Variants in TMEM50B observed in about 807,000 individuals in gnomAD.
TMEM50B encodes transmembrane protein 50B.
In TMEM50B, 14 loss-of-function variants were observed where a neutral mutation model predicts 23.4. The ratio of observed to expected loss-of-function variants is 0.60; its 90% CI spans 0.39 to 0.93. The LOEUF (loss-of-function observed/expected upper bound fraction) is 0.93, where lower values mean the gene tolerates loss of function less well. Ranked by LOEUF, TMEM50B falls within the 40% of genes least tolerant of loss-of-function variation. TMEM50B has a pLI of 0.00. For synonymous variants in TMEM50B, 64 were observed against 62.3 expected, an observed-to-expected ratio of 1.03 and a Z score of -0.13; for missense variants, 159 against 193.0, an observed-to-expected ratio of 0.82 and a Z score of 1.04.
chr21:33,467,319 A>G (rs1391369921), intron 2 of TMEM50B, among the ~76,000 whole-genome samples, 197 bp from the exon 3 acceptor site: 1 of 151,928 alleles, frequency 6.6e-6, no homozygotes, highest in East Asian at 1.9e-4. Context: ...TCATGGTAAA[A>G]CCTCATCTCT....
chr21:33,450,657 A>T lies in TMEM50B; in HGVS notation c.*161T>A, dbSNP rs1321139798. 2 of 578,768 alleles carry T rather than the reference A, an allele frequency of 3.5e-6. No individual in the cohort carries two copies. The highest frequency in any genetic ancestry group is 6.1e-6 in the Non-Finnish European group (2 of 325,432). 35.9% of individuals were successfully genotyped at this position (578,768 alleles called of 1,614,324 possible). On this transcript the variant is annotated 3_prime_UTR_variant, in exon 7 of 7. Coordinates refer to ENST00000542230, the MANE Select transcript of TMEM50B (RefSeq NM_006134.7). ...TTAACAGTCTATGCAATGAAAAATAAAGAAATTTCATAAAACTATTTCAAA... is the reference window on the plus strand; with the variant it reads ...TTAACAGTCTATGCAATGAAAAATATAGAAATTTCATAAAACTATTTCAAA...
chr21:33,474,477 T>C (rs1025057547), intron 1 of TMEM50B, among the ~76,000 whole-genome samples: 1 of 151,038 alleles, frequency 6.6e-6, no homozygotes, highest in African/African-American at 2.4e-5. Context: ...CCGATGAAAC[T>C]GAGACCTACA....
At position 33,450,092 on chromosome 21, in the gene TMEM50B, G is replaced by A. The variant is rs1476202142; in HGVS notation, c.*726C>T. On this transcript the variant is annotated 3_prime_UTR_variant, in exon 7 of 7. Coordinates refer to ENST00000542230, the MANE Select transcript of TMEM50B (RefSeq NM_006134.7). ...CTTTACCAAAAAAACCTCATTTTTA[G>A]GCCAAAATAAGTTACAACTTGCTGA... The A allele has an allele frequency of 1.3e-5, 2 of 152,034 alleles. No individual in the cohort carries two copies. Among genetic ancestry groups the A allele is most frequent in the African/African-American group, 4.8e-5 (2 of 41,388 alleles). 9.4% of individuals were successfully genotyped at this position (152,034 alleles called of 1,614,324 possible).
At chr21:33,479,588 G>A (rs2084408166) in intron 1 of TMEM50B, among the ~76,000 whole-genome samples, 1 of 152,208 alleles carries the variant, frequency 6.6e-6, no homozygotes, top group Non-Finnish European at 1.5e-5. Flanking sequence ...GGCTGCTTGC[G>A]GGTCGCGGCG....
At chr21:33,465,480 CT>C in intron 3 of TMEM50B, 71 bp from the exon 4 acceptor site, 1 of 1,129,018 alleles carries the variant, frequency 8.9e-7, no homozygotes, top group African/African-American at 1.6e-5. Context: ...TTATATAACA[CT>C]TAGACGGAAA....
chr21:33,477,450 C>G (rs1378416556), intron 1 of TMEM50B, among the ~76,000 whole-genome samples: 1 of 152,184 alleles, frequency 6.6e-6, no homozygotes, highest in African/African-American at 2.4e-5. Flanking sequence ...GGAATTCTAA[C>G]TTGACATACC....
intron 5 of TMEM50B, among the ~76,000 whole-genome samples, chr21:33,459,579 A>T (rs2084199549): frequency 1.3e-5 from 2 of 151,850 alleles, no homozygotes; most frequent in Admixed American, 1.3e-4. Flanking sequence ...GAGACAGGCA[A>T]ATTACTTGAA....
intron 8 of TMEM50B, among the ~76,000 whole-genome samples, chr21:33,434,905 A>G (rs1372728710): frequency 1.3e-5 from 2 of 152,166 alleles, no homozygotes; most frequent in Admixed American, 6.6e-5. Context: ...TTCCTCTGAG[A>G]CATGAACAGA....
Position 33,460,426 on chromosome 21 carries a change from T to C in TMEM50B, c.360A>G (p.Ala120=), listed in dbSNP as rs149634958. 2.2e-4 allele frequency: 351 copies of C among 1,603,384 alleles called. 5 individuals carry two copies. The highest frequency in any genetic ancestry group is 6.8e-5 in the Admixed American group (4 of 58,914). ...ATATATACTTACTTTGGGTAACATA[T>C]GCACCAAAAAGAATCCACATGGAAG... ...LIASMWILFG[A]YVTQNTDVYP... Residue 120 remains alanine (A), a synonymous_variant, in exon 5 of 7, where the codon GCA becomes GCG. Coordinates refer to ENST00000542230, the MANE Select transcript of TMEM50B (RefSeq NM_006134.7).
At chr21:33,465,157 GTAACTTCTA>G in intron 4 of TMEM50B, 176 bp downstream of exon 4, 1 of 489,980 alleles carries the variant, frequency 2.0e-6, no homozygotes, top group East Asian at 3.2e-5. Context: ...GACAAAAACA[GTAACTTCTA>G]GCAATAACTT....
At chr21:33,433,820 A>G (rs2123373913) in intron 8 of TMEM50B, among the ~76,000 whole-genome samples, 1 of 151,678 alleles carries the variant, frequency 6.6e-6, no homozygotes, top group South Asian at 2.1e-4. Flanking sequence ...GGGGTTGGCT[A>G]AAAAGGTGGC....
intron 8 of TMEM50B, among the ~76,000 whole-genome samples, chr21:33,433,221 A>G (rs866152068): frequency 1.2e-4 from 19 of 152,146 alleles, no homozygotes; most frequent in Middle Eastern, 6.8e-3. Context: ...TCAGGGCCCC[A>G]CTGCCCCTGG....
chr21:33,467,538 C>T (rs1204155228), intron 2 of TMEM50B, among the ~76,000 whole-genome samples: 1 of 151,920 alleles, frequency 6.6e-6, no homozygotes, highest in African/African-American at 2.4e-5. Context: ...GCAGGAGAAT[C>T]GCTTAAACCC....
chr21:33,466,862 A>G (rs1478930564), intron 3 of TMEM50B, 148 bp downstream of exon 3: 2 of 584,142 alleles, frequency 3.4e-6, no homozygotes, highest in Middle Eastern at 4.6e-4. Context: ...GGTTAAAAAA[A>G]ATCGTAATAA....
At chr21:33,458,084 C>G (rs1340071102) in intron 5 of TMEM50B, among the ~76,000 whole-genome samples, 1 of 152,192 alleles carries the variant, frequency 6.6e-6, no homozygotes, top group Non-Finnish European at 1.5e-5. Context: ...CTGGGTGAAG[C>G]TCTCCGAACC....
intron 4 of TMEM50B, among the ~76,000 whole-genome samples, chr21:33,464,817 A>C (rs1015862051): frequency 6.6e-6 from 1 of 151,056 alleles, no homozygotes; most frequent in Non-Finnish European, 1.5e-5. Flanking sequence ...AAAAAAAAAA[A>C]AAAAAAACAA....
intron 5 of TMEM50B, 186 bp downstream of exon 5, chr21:33,460,227 C>T (rs1344239907): frequency 1.9e-6 from 1 of 515,622 alleles, no homozygotes; most frequent in Non-Finnish European, 3.5e-6. Context: ...ATTTCCTAAC[C>T]AGGGCTATCC....
chr21:33,471,753 G>T (rs531317360), intron 1 of TMEM50B, among the ~76,000 whole-genome samples: 1 of 152,180 alleles, frequency 6.6e-6, no homozygotes, highest in East Asian at 1.9e-4. Context: ...AAAATTCTAG[G>T]GGCTGGGCGC....
downstream of TMEM50B, chr21:33,448,738 C>A (rs1052716721): frequency 3.3e-5 from 5 of 152,232 alleles, no homozygotes; most frequent in Admixed American, 3.3e-4. Flanking sequence ...ACCTAGGCCT[C>A]CCAAAACATT....
Sources: allele counts gnomAD v4.1 joint callset (sites outside exome capture counted in the v4.1 genomes callset), GRCh38; gene constraint gnomAD v4.1.1; transcripts MANE v1.5; gene names NCBI Gene and HGNC (gene_info 2026-07-23, HGNC 2026-07-21).